The following RIPK4 variants were observed in gnomAD, a reference collection of about 807,000 sequenced individuals.
RIPK4 encodes the protein receptor-interacting serine/threonine-protein kinase 4.
A neutral mutation model predicts 42.9 loss-of-function variants in RIPK4; 17 were observed. That is an observed-to-expected ratio of 0.40 (90% CI 0.27 to 0.59). The LOEUF (loss-of-function observed/expected upper bound fraction) is 0.59, where lower values mean the gene tolerates loss of function less well. Ranked by LOEUF, RIPK4 falls within the 20% of genes least tolerant of loss-of-function variation. The pLI is 0.47. For synonymous variants in RIPK4, 498 were observed against 499.1 expected (o/e 1.00, Z 0.03); for missense variants, 897 against 1,104.4 (o/e 0.81, Z 2.66).
At chr21:41,749,772 A>AAC (rs1440424995) in intron 3 of RIPK4, among the ~76,000 whole-genome samples, 1 of 152,120 alleles carries the variant, frequency 6.6e-6, no homozygotes, top group Non-Finnish European at 1.5e-5. Context: ...CGTAGGAGAC[A>AAC]ACACAGCTGA....
In RIPK4 at chr21:41,741,074, G is replaced by T; in HGVS notation, c.2119C>A (p.Leu707Met). ...TGCCCGTGGGCGGCAGCCAGGTGCA[G>T]CGCCGTCTGGTTCAGGGGTCCCCGG... ...LARGPLNQTA[L>M]HLAAAHGHSE... Residue 707 changes from leucine to methionine, a missense_variant, in exon 8 of 8, where the codon CTG (leucine) becomes ATG (methionine). Transcript: ENST00000332512. 6.2e-7 allele frequency: 1 copy of T among 1,611,478 alleles called. No individual in the cohort carries two copies. Among genetic ancestry groups the T allele is most frequent in the Non-Finnish European group, 8.5e-7 (1 of 1,179,720 alleles).
rs750114704 is a variant in RIPK4 at position 41,745,852 on chromosome 21, A to G, written c.843T>C (p.Ser281=). The G allele has an allele frequency of 8.7e-6, 14 of 1,613,836 alleles. 1 individual carries two copies. The highest frequency in any genetic ancestry group is 2.2e-5 in the East Asian group (1 of 44,876). The change falls in exon 6 of 8, where the codon TCT becomes TCC. Residue 281 remains serine, a synonymous_variant. Transcript: ENST00000332512. ...GCTTTTCACACAGGTCCTCGGTTTCAGAAGTAATTTCTTGTGGGGAAGAAA... is the reference window on the plus strand; with the variant it reads ...GCTTTTCACACAGGTCCTCGGTTTCGGAAGTAATTTCTTGTGGGGAAGAAA... ...RVRPTFQEIT[S]ETEDLCEKPD...
chr21:41,754,999 G>T (rs1163165015), intron 2 of RIPK4, among the ~76,000 whole-genome samples: 1 of 152,242 alleles, frequency 6.6e-6, no homozygotes, highest in African/African-American at 2.4e-5. Context: ...CGCAGGTGAA[G>T]CCTCTAGCAT....
intron 1 of RIPK4, among the ~76,000 whole-genome samples, chr21:41,766,201 C>T (rs1027843241): frequency 6.6e-6 from 1 of 152,228 alleles, no homozygotes; most frequent in Non-Finnish European, 1.5e-5. Context: ...ACACCCCGGG[C>T]CCCGTGCCGG....
intron 7 of RIPK4, 120 bp downstream of exon 7, chr21:41,743,759 CAAA>C: frequency 7.8e-7 from 1 of 1,282,314 alleles, no homozygotes; most frequent in Non-Finnish European, 1.1e-6. Flanking sequence ...AGAGAGAACA[CAAA>C]GAAGAATTCT....
chr21:41,764,302 C>T (rs2061229864), intron 1 of RIPK4, among the ~76,000 whole-genome samples: 1 of 152,202 alleles, frequency 6.6e-6, no homozygotes, highest in Non-Finnish European at 1.5e-5. Context: ...CAGGAGACCC[C>T]AGACCACCTT....
intron 1 of RIPK4, among the ~76,000 whole-genome samples, chr21:41,765,365 G>A (rs1432031739): frequency 6.6e-6 from 1 of 152,214 alleles, no homozygotes. Flanking sequence ...GAGAAAAAGT[G>A]CACAGCCTGG....
At chr21:41,749,117 G>C in intron 4 of RIPK4, 37 bp downstream of exon 4, 1 of 1,609,002 alleles carries the variant, frequency 6.2e-7, no homozygotes, top group Non-Finnish European at 8.5e-7. Flanking sequence ...TTCCAGGAAA[G>C]ACAAGCACAT....
Position 41,741,626 on chromosome 21 carries a change from G to T in RIPK4, c.1567C>A (p.Leu523Met). 6.2e-7 allele frequency: 1 copy of T among 1,613,104 alleles called. No homozygotes were observed. ...QNGDESSTRL[L>M]LEKNASVNEV... is the part of the protein sequence containing the mutation. Reference sequence around the variant, plus strand: ...TTGACCGAGGCGTTCTTCTCCAACAGCAGCCGTGTGCTAGACTCGTCCCCG... The same window carrying T: ...TTGACCGAGGCGTTCTTCTCCAACATCAGCCGTGTGCTAGACTCGTCCCCG... Residue 523 changes from leucine (L) to methionine (M), a missense_variant, in exon 8 of 8, where the codon CTG (leucine) becomes ATG (methionine). Physicochemically the swap from Leu to Met is conservative, Grantham distance 15. Transcript: ENST00000332512.
Position 41,741,627 on chromosome 21 carries a change from C to T in RIPK4, c.1566G>A (p.Leu522=), listed in dbSNP as rs1372100138. 1.9e-6 allele frequency: 3 copies of T among 1,613,222 alleles called. No homozygotes were observed. Among genetic ancestry groups the T allele is most frequent in the South Asian group, 2.2e-5 (2 of 91,086 alleles). Residue 522 remains leucine, a synonymous_variant, in exon 8 of 8, where the codon CTG becomes CTA. Transcript: ENST00000332512. ...AQNGDESSTR[L]LLEKNASVNE... ...TGACCGAGGCGTTCTTCTCCAACAG[C>T]AGCCGTGTGCTAGACTCGTCCCCGT... is the stretch of plus-strand genomic sequence containing the variant.
At chr21:41,757,867 C>T (rs191045847) in intron 1 of RIPK4, among the ~76,000 whole-genome samples, 15 of 150,496 alleles carry the variant, frequency 1.0e-4, no homozygotes, top group African/African-American at 2.9e-4. Flanking sequence ...GGCGTGGTGG[C>T]GCCTGCCTGT....
chr21:41,761,610 TGAC>T (rs2061220584), intron 1 of RIPK4, among the ~76,000 whole-genome samples: 1 of 152,148 alleles, frequency 6.6e-6, no homozygotes, highest in African/African-American at 2.4e-5. Flanking sequence ...TTTGAGGAAA[TGAC>T]AATTCGGGTG....
Position 41,751,181 on chromosome 21 carries a change from C to G in RIPK4, c.539G>C (p.Gly180Ala). ...LSHSHDLSMD[G>A]LFGTIAYLPP... ...GAGGTAGGCGATTGTGCCAAACAGG[C>G]CATCCATGCTGAGGTCATGCGAGTG... The change falls in exon 3 of 8, where the codon GGC (glycine) becomes GCC (alanine). Residue 180 changes from glycine to alanine, a missense_variant. By Grantham distance (60) the Gly-to-Ala change is moderately conservative. Transcript: ENST00000332512. The surrounding 1 kb of genome is among the most constrained non-coding windows in gnomAD (Gnocchi z 4.5). 6.2e-7 allele frequency: 1 copy of G among 1,614,242 alleles called. No individual in the cohort carries two copies. Among genetic ancestry groups the G allele is most frequent in the Non-Finnish European group, 8.5e-7 (1 of 1,180,040 alleles).
chr21:41,746,016 C>A (rs1212755584), intron 5 of RIPK4, 154 bp from the exon 6 acceptor site: 6 of 752,470 alleles, frequency 8.0e-6, no homozygotes, highest in Non-Finnish European at 1.4e-5. Flanking sequence ...CCTACATGGA[C>A]AATTTGCTGG....
chr21:41,752,694 A>G (rs2061192123), intron 2 of RIPK4, among the ~76,000 whole-genome samples: 1 of 152,178 alleles, frequency 6.6e-6, no homozygotes, highest in African/African-American at 2.4e-5. Context: ...CTCTCCAAAT[A>G]GCTCCAGAGC....
At position 41,766,954 on chromosome 21, in the gene RIPK4, A is replaced by G; in HGVS notation, c.88T>C (p.Ser30Pro). 1 of 1,608,106 alleles carries G rather than the reference A, an allele frequency of 6.2e-7. No individual in the cohort carries two copies. Among genetic ancestry groups the G allele is most frequent in the Non-Finnish European group, 8.5e-7 (1 of 1,177,894 alleles). The change falls in exon 1 of 8, where the codon TCG becomes CCG. Residue 30 changes from serine to proline, a missense_variant. Physicochemically the swap from Ser to Pro is moderately conservative, Grantham distance 74 (BLOSUM62 -1). Transcript: ENST00000332512. Reference sequence around the variant, plus strand: ...TTGTACACCTGCCCGAAGCCGCCCGAGCCCACCTTCTCCCAGCCCGTGAAC... The same window carrying G: ...TTGTACACCTGCCCGAAGCCGCCCGGGCCCACCTTCTCCCAGCCCGTGAAC... Reference protein sequence around the residue: ...GEFTGWEKVGSGGFGQVYKVR... With the variant: ...GEFTGWEKVGPGGFGQVYKVR...
Position 41,740,801 on chromosome 21 carries a change from A to T in RIPK4, c.*37T>A. The T allele has an allele frequency of 6.4e-7, 1 of 1,552,900 alleles. No individual in the cohort carries two copies. The highest frequency in any genetic ancestry group is 8.7e-7 in the Non-Finnish European group (1 of 1,151,916). ...CACGAGGAACACAGGACAGGACAAGAGCCCCACGTGGACCCCCGGTCTCCG... is the reference window on the plus strand; with the variant it reads ...CACGAGGAACACAGGACAGGACAAGTGCCCCACGTGGACCCCCGGTCTCCG... On this transcript the variant is annotated 3_prime_UTR_variant, in exon 8 of 8. Transcript: ENST00000332512.
chr21:41,751,304 C>T lies in RIPK4; in HGVS notation c.475-59G>A. The T allele has an allele frequency of 6.3e-7, 1 of 1,593,762 alleles. No individual in the cohort carries two copies. Among genetic ancestry groups the T allele is most frequent in the Non-Finnish European group, 8.6e-7 (1 of 1,167,296 alleles). ...CCTGCAACAGTGATATTTTATGATG[C>T]TTTATCAAAAGCTCCCTTCTGCAAT... On this transcript the variant is annotated intron_variant, in intron 2 of 7. Coordinates refer to ENST00000332512, the MANE Select transcript of RIPK4 (RefSeq NM_020639.3). This position sits in a 1 kb window ranked among gnomAD's most constrained non-coding sequence, Gnocchi z 4.5.
At position 41,744,004 on chromosome 21, in the gene RIPK4, G is replaced by C; in HGVS notation, c.1073C>G (p.Ser358Cys). Residue 358 changes from serine to cysteine, a missense_variant, in exon 7 of 8, where the codon TCT (serine) becomes TGT (cysteine). Ser to Cys is a moderately radical substitution (Grantham distance 112, BLOSUM62 -1). Coordinates refer to ENST00000332512, the MANE Select transcript of RIPK4 (RefSeq NM_020639.3). Reference protein sequence around the residue: ...EGPEELSRSSSESKLPSSGSG... With the variant: ...EGPEELSRSSCESKLPSSGSG... ...GCCGGACGATGGCAGCTTGGACTCA[G>C]AGGAGCTGCGGCTGAGCTCCTCGGG... 6.2e-7 allele frequency: 1 copy of C among 1,613,460 alleles called. No homozygotes were observed. The highest frequency in any genetic ancestry group is 8.5e-7 in the Non-Finnish European group (1 of 1,180,028).
Sources: allele counts gnomAD v4.1 joint callset (sites outside exome capture counted in the v4.1 genomes callset), GRCh38; gene constraint gnomAD v4.1.1; non-coding constraint Gnocchi (gnomAD v3.1); transcripts MANE v1.5; gene names NCBI Gene and HGNC (gene_info 2026-07-23, HGNC 2026-07-21).